Variants in SOCS7 observed in about 807,000 individuals in gnomAD.
The protein encoded by SOCS7 is suppressor of cytokine signaling 7.
A neutral mutation model predicts 58.9 loss-of-function variants in SOCS7; 18 were observed. That is an observed-to-expected ratio of 0.31 (90% CI 0.21 to 0.45). The LOEUF is 0.45. Among genes scored for constraint, SOCS7 ranks in the 20% least tolerant of loss-of-function variants. SOCS7 has a pLI of 1.00. For missense variants in SOCS7, 667 were observed against 837.3 expected, an observed-to-expected ratio of 0.80 and a Z score of 2.51; for synonymous variants, 388 against 364.3, an observed-to-expected ratio of 1.06 and a Z score of -0.74.
At chr17:38,394,294 A>G (rs1488754342) in intron 7 of SOCS7, among the ~76,000 whole-genome samples, 1 of 152,182 alleles carries the variant, frequency 6.6e-6, no homozygotes, top group Non-Finnish European at 1.5e-5. Context: ...TAGCTTGCCC[A>G]AGCGATTGTA....
rs1166976780 is a variant in SOCS7, at chr17:38,365,472, T to C, written c.1252+63T>C. On this transcript the variant is annotated intron_variant, in intron 4 of 9. Transcript: ENST00000612932. ...GAGTACAAAGTGATACTTTCTACCA[T>C]AGAAGGATGGGAGAAATCTATTTAT... is the stretch of plus-strand genomic sequence containing the variant. 1.2e-5 allele frequency: 13 copies of C among 1,055,198 alleles called. No homozygotes were observed. In the East Asian group the frequency reaches 2.4e-4, roughly 19 times the overall value. The allele number at this position is 1,055,198 out of a possible 1,614,324, so 65.4% of individuals were successfully genotyped here.
Position 38,364,747 on chromosome 17 carries a change from C to G in SOCS7, c.1046-5C>G, listed in dbSNP as rs747645063. On this transcript the variant is annotated splice_polypyrimidine_tract_variant and splice_region_variant and intron_variant, in intron 2 of 9. Coordinates refer to ENST00000612932, the MANE Select transcript of SOCS7 (RefSeq NM_014598.4). ...TGTAACTTGCTTGCTCCATGAATCC[C>G]TCAGGTGAAACTGTGTCGCTTGTGG... The G allele has an allele frequency of 1.2e-6, 2 of 1,613,434 alleles. No individual in the cohort carries two copies. Among genetic ancestry groups the G allele is most frequent in the Non-Finnish European group, 1.7e-6 (2 of 1,179,404 alleles).
At chr17:38,398,241 C>CTTTTTT (rs990311481) in intron 9 of SOCS7, among the ~76,000 whole-genome samples, 1 of 129,394 alleles carries the variant, frequency 7.7e-6, no homozygotes, top group Non-Finnish European at 1.7e-5. Flanking sequence ...AGGGAAAGGT[C>CTTTTTT]TTTTTTTTTT....
At chr17:38,372,582 ATC>A (rs1277366964) in intron 6 of SOCS7, among the ~76,000 whole-genome samples, 1 of 152,202 alleles carries the variant, frequency 6.6e-6, no homozygotes, top group African/African-American at 2.4e-5. Flanking sequence ...GTAAAAATTG[ATC>A]TCTCATGGTT....
intron 7 of SOCS7, among the ~76,000 whole-genome samples, chr17:38,392,824 T>C (rs2038188314): frequency 6.6e-6 from 1 of 152,166 alleles, no homozygotes; most frequent in South Asian, 2.1e-4. Context: ...GAGAGGTTCC[T>C]CGGCTATGGC....
chr17:38,353,983 T>TA (rs1370335145), intron 1 of SOCS7, among the ~76,000 whole-genome samples: 1 of 152,196 alleles, frequency 6.6e-6, no homozygotes, highest in Non-Finnish European at 1.5e-5. Flanking sequence ...ACCAGTAAGA[T>TA]ATAGACAAGG....
chr17:38,389,870 T>TATATATGTAC (rs1567750827), intron 7 of SOCS7, among the ~76,000 whole-genome samples: 3 of 95,348 alleles, frequency 3.1e-5, no homozygotes, highest in African/African-American at 1.3e-4. Context: ...TGTGTGTACA[T>TATATATGTAC]ATATATATAT....
intron 6 of SOCS7, among the ~76,000 whole-genome samples, chr17:38,369,206 C>T (rs1170845614): frequency 6.6e-6 from 1 of 152,182 alleles, no homozygotes; most frequent in African/African-American, 2.4e-5. Context: ...CCATGGTGGT[C>T]AACCTTAAGT....
chr17:38,374,723 A>G (rs927722650), intron 6 of SOCS7, among the ~76,000 whole-genome samples: 8 of 152,374 alleles, frequency 5.3e-5, no homozygotes, highest in Admixed American at 2.6e-4. Flanking sequence ...CATCAGAGGA[A>G]TTAACTGAAG....
intron 6 of SOCS7, among the ~76,000 whole-genome samples, chr17:38,371,137 CAG>C (rs1234197962): frequency 2.0e-5 from 3 of 152,182 alleles, no homozygotes; most frequent in South Asian, 2.1e-4. Context: ...TTTTTAAAGA[CAG>C]GGTCTGGCTC....
At chr17:38,387,097 A>AT (rs2038078607) in intron 7 of SOCS7, among the ~76,000 whole-genome samples, 8 of 96,874 alleles carry the variant, frequency 8.3e-5, no homozygotes, top group South Asian at 6.2e-4. Flanking sequence ...AAAAAAAAAA[A>AT]AAAAAATATA....
At chr17:38,366,486 C>T (rs1000975183) in intron 5 of SOCS7, 69 bp downstream of exon 5, 39 of 1,549,424 alleles carry the variant, frequency 2.5e-5, no homozygotes, top group Non-Finnish European at 3.4e-5. Flanking sequence ...TCGGACACAC[C>T]TTTATTTATG....
rs2038137592 is a variant in SOCS7, at chr17:38,389,872, T to TATATATGTAC, written c.1682-5431_1682-5430insGTACATATAT. Among the ~76,000 whole-genome samples, 14 of 111,752 alleles carry TATATATGTAC rather than the reference T, an allele frequency of 1.3e-4. 1 individual carries two copies. The highest frequency in any genetic ancestry group is 2.7e-4 in the African/African-American group (7 of 26,196). 73.3% of individuals were successfully genotyped at this position (111,752 alleles called of 152,430 possible). On this transcript the variant is annotated intron_variant, in intron 7 of 9. Transcript: ENST00000612932. Reference sequence around the variant, plus strand: ...TGTTTGGTGTGTATGTGTGTACATATATATATATATGTACATATATATATA... The same window carrying TATATATGTAC: ...TGTTTGGTGTGTATGTGTGTACATATATATATGTACATATATATATGTACATATATATATA...
intron 7 of SOCS7, among the ~76,000 whole-genome samples, chr17:38,390,639 T>TC (rs1355573589): frequency 1.5e-5 from 2 of 130,064 alleles, no homozygotes; most frequent in Non-Finnish European, 3.3e-5. Flanking sequence ...CTTTTGTTCG[T>TC]TTTCCTTCCT....
chr17:38,387,688 A>G (rs1206218277), intron 7 of SOCS7, among the ~76,000 whole-genome samples: 1 of 93,280 alleles, frequency 1.1e-5, no homozygotes. Flanking sequence ...TTATATATTT[A>G]TATATTTATA....
Position 38,387,082 on chromosome 17 carries a change from T to TAAAAA in SOCS7, c.1682-8210_1682-8206dup, listed in dbSNP as rs1214323571. On this transcript the variant is annotated intron_variant, in intron 7 of 9. Coordinates refer to ENST00000612932, the MANE Select transcript of SOCS7 (RefSeq NM_014598.4). ...GGGCGACAGAGCGAGACTCTTATCT[T>TAAAAA]AAAAAAAAAAAAAAAAAAAAATATA... 2.3e-3 allele frequency among the ~76,000 whole-genome samples: 112 copies of TAAAAA among 48,644 alleles called. 1 individual carries two copies. The highest frequency in any genetic ancestry group is 2.5e-3 in the Non-Finnish European group (80 of 32,014). 31.9% of individuals were successfully genotyped at this position (48,644 alleles called of 152,430 possible).
chr17:38,367,823 T>C, intron 5 of SOCS7, 59 bp from the exon 6 acceptor site: 2 of 1,513,014 alleles, frequency 1.3e-6, no homozygotes, highest in Non-Finnish European at 1.8e-6. Flanking sequence ...TAGATTGCAC[T>C]GAAAACTTTG....
At chr17:38,365,894 C>A in intron 4 of SOCS7, 1 of 737,442 alleles carries the variant, frequency 1.4e-6, no homozygotes, top group Non-Finnish European at 1.7e-6. Context: ...TTTCTACTTG[C>A]CTGGCAAAAT....
intron 6 of SOCS7, among the ~76,000 whole-genome samples, chr17:38,373,169 A>C (rs2037890011): frequency 6.6e-6 from 1 of 152,178 alleles, no homozygotes; most frequent in Non-Finnish European, 1.5e-5. Flanking sequence ...AATAAAAGTA[A>C]AGTCATTATA....
Sources: gnomAD v4.1 joint callset for allele counts (sites outside exome capture counted in the v4.1 genomes callset) on GRCh38, gnomAD v4.1.1 for gene constraint, MANE v1.5 for transcripts, NCBI Gene and HGNC (gene_info 2026-07-23, HGNC 2026-07-21) for gene names.